The following WWC2 variants were observed in gnomAD, a reference collection of about 807,000 sequenced individuals.
The protein encoded by WWC2 is WW and C2 domain containing 2, also known as protein WWC2.
A neutral mutation model predicts 138.5 loss-of-function variants in WWC2; 101 were observed. The ratio of observed to expected loss-of-function variants is 0.73; its 90% CI spans 0.62 to 0.86. WWC2 has a LOEUF of 0.86. WWC2 is among the 40% of genes least tolerant of loss of function. The probability of loss-of-function intolerance (pLI) is 0.00; values close to 1 mark genes in which losing one functional copy is unlikely to be tolerated. For missense variants in WWC2, 1,420 were observed against 1,419.4 expected, an observed-to-expected ratio of 1.00 and a Z score of -0.01; for synonymous variants, 558 against 538.4, an observed-to-expected ratio of 1.04 and a Z score of -0.50.
At chr4:183,314,413 A>G (rs893844637) in intron 22 of WWC2, among the ~76,000 whole-genome samples, 2 of 152,248 alleles carry the variant, frequency 1.3e-5, no homozygotes, top group African/African-American at 2.4e-5. Flanking sequence ...GAAGCATATT[A>G]TATCACCAGG....
intron 21 of WWC2, among the ~76,000 whole-genome samples, chr4:183,302,714 A>C (rs1049365291): frequency 5.3e-5 from 8 of 152,150 alleles, no homozygotes; most frequent in Non-Finnish European, 1.0e-4. Flanking sequence ...AAGCCAACTC[A>C]CATATTTGTA....
intron 1 of WWC2, among the ~76,000 whole-genome samples, chr4:183,114,764 C>G (rs1352743623): frequency 2.0e-5 from 3 of 151,442 alleles, no homozygotes; most frequent in African/African-American, 4.9e-5. Flanking sequence ...GTTTGGTGTA[C>G]AAATTATTTC....
intron 1 of WWC2, among the ~76,000 whole-genome samples, chr4:183,181,694 G>C (rs762825542): frequency 6.6e-6 from 1 of 152,162 alleles, no homozygotes; most frequent in Non-Finnish European, 1.5e-5. Context: ...TAGGCAGTTA[G>C]TAATTAAGTT....
At chr4:183,114,921 A>G (rs973168303) in intron 1 of WWC2, among the ~76,000 whole-genome samples, 2 of 152,136 alleles carry the variant, frequency 1.3e-5, no homozygotes, top group Non-Finnish European at 1.5e-5. Context: ...TCCCGGGTTC[A>G]AGCGATTGTC....
At chr4:183,117,213 T>C (rs569161429) in intron 1 of WWC2, among the ~76,000 whole-genome samples, 46 of 149,068 alleles carry the variant, frequency 3.1e-4, no homozygotes, top group Admixed American at 2.7e-3. Context: ...CACATTCTTC[T>C]TCTTTTTTTT....
At chr4:183,314,200 A>G (rs185407257) in intron 22 of WWC2, among the ~76,000 whole-genome samples, 34 of 152,238 alleles carry the variant, frequency 2.2e-4, no homozygotes, top group Admixed American at 1.9e-3. Context: ...CTTTTCTGCT[A>G]AAGAATCACA....
chr4:183,128,427 A>G (rs1172512171), intron 1 of WWC2, among the ~76,000 whole-genome samples: 1 of 152,014 alleles, frequency 6.6e-6, no homozygotes, highest in African/African-American at 2.4e-5. Flanking sequence ...GGTGGGGAGG[A>G]TTGCTTGAGC....
rs150514988 is a variant in WWC2 at position 183,178,912 on chromosome 4, G to GTATCTAAC, written c.132-14685_132-14678dup. 5.4e-3 allele frequency among the ~76,000 whole-genome samples: 826 copies of GTATCTAAC among 152,286 alleles called. 6 individuals are homozygous for GTATCTAAC. Among genetic ancestry groups the GTATCTAAC allele is most frequent in the African/African-American group, 0.019 (796 of 41,550 alleles). On this transcript the variant is annotated intron_variant, in intron 1 of 22. Coordinates refer to ENST00000403733, the MANE Select transcript of WWC2 (RefSeq NM_024949.6). The stretch of plus-strand genomic sequence containing the variant: ...CTGTGTCTGAGTAAAATACTTGTCA[G>GTATCTAAC]TATCTAACTTAGGGCTCATTCAAGG...
intron 21 of WWC2, among the ~76,000 whole-genome samples, chr4:183,295,025 T>G (rs1738589707): frequency 6.6e-6 from 1 of 152,188 alleles, no homozygotes; most frequent in African/African-American, 2.4e-5. Context: ...ACATGTTCAT[T>G]TTAATGATTT....
intron 1 of WWC2, among the ~76,000 whole-genome samples, chr4:183,114,194 C>T (rs1732340222): frequency 6.6e-6 from 1 of 152,116 alleles, no homozygotes; most frequent in South Asian, 2.1e-4. Context: ...CCCCGCCATC[C>T]TCTCTCTTGT....
In WWC2 at chr4:183,213,511, T is replaced by G. The variant is rs990820108; in HGVS notation, c.522+4486T>G. Among the ~76,000 whole-genome samples, 36 of 152,336 alleles carry G rather than the reference T, an allele frequency of 2.4e-4. 1 individual carries two copies. The highest frequency in any genetic ancestry group is 2.3e-3 in the South Asian group (11 of 4,824). ...GTTTTGTTGCAACAATATTAGCAGG[T>G]GTACCTCAGTTGTTTTACTGAATTA... is the stretch of plus-strand genomic sequence containing the variant. On this transcript the variant is annotated intron_variant, in intron 4 of 22. Transcript: ENST00000403733.
At chr4:183,168,254 CAG>C (rs769833867) in intron 1 of WWC2, among the ~76,000 whole-genome samples, 4 of 146,458 alleles carry the variant, frequency 2.7e-5, no homozygotes, top group Non-Finnish European at 4.5e-5. Context: ...TTTTGGGTAA[CAG>C]GGATTTAAAA....
At chr4:183,159,845 A>G (rs1383161811) in intron 1 of WWC2, among the ~76,000 whole-genome samples, 1 of 151,490 alleles carries the variant, frequency 6.6e-6, no homozygotes, top group East Asian at 1.9e-4. Context: ...GAATTTGTCC[A>G]TATTTGATCA....
chr4:183,266,879 A>G (rs1230235204), intron 14 of WWC2, among the ~76,000 whole-genome samples: 1 of 152,218 alleles, frequency 6.6e-6, no homozygotes, highest in African/African-American at 2.4e-5. Context: ...AATAGAATAA[A>G]TTAAAGAGTT....
At position 183,182,866 on chromosome 4, in the gene WWC2, T is replaced by A. The variant is rs1485873865; in HGVS notation, c.132-10733T>A. Among the ~76,000 whole-genome samples the A allele has an allele frequency of 4.6e-5, 7 of 152,360 alleles. No individual in the cohort carries two copies. In the East Asian group the frequency reaches 1.3e-3, roughly 29 times the overall value. On this transcript the variant is annotated intron_variant, in intron 1 of 22. Coordinates refer to ENST00000403733, the MANE Select transcript of WWC2 (RefSeq NM_024949.6). The stretch of plus-strand genomic sequence containing the variant: ...GAATAAATGCATATACTATTACTTC[T>A]GTATAAATAGAAAATTTTTGAAAGA...
intron 4 of WWC2, among the ~76,000 whole-genome samples, chr4:183,211,246 A>G (rs1263593602): frequency 2.6e-5 from 4 of 152,206 alleles, no homozygotes; most frequent in Admixed American, 2.6e-4. Flanking sequence ...TAGGAGGCCA[A>G]GGTGGGAGGA....
intron 1 of WWC2, among the ~76,000 whole-genome samples, chr4:183,183,200 G>C (rs1033594563): frequency 3.3e-5 from 5 of 152,104 alleles, no homozygotes; most frequent in Admixed American, 2.0e-4. Context: ...TTTAAGTTCT[G>C]GGGTACGTGT....
At chr4:183,153,571 A>G (rs1412443541) in intron 1 of WWC2, among the ~76,000 whole-genome samples, 2 of 152,096 alleles carry the variant, frequency 1.3e-5, no homozygotes, top group South Asian at 4.1e-4. Flanking sequence ...AAATATTCAT[A>G]CGATACTAAT....
chr4:183,209,111 A>G (rs997397105), intron 4 of WWC2, 86 bp downstream of exon 4: 1 of 927,650 alleles, frequency 1.1e-6, no homozygotes, highest in African/African-American at 1.7e-5. Flanking sequence ...ATCAGTTCTC[A>G]TCTCCATTTG....
Sources: gnomAD v4.1 joint callset for allele counts (sites outside exome capture counted in the v4.1 genomes callset) on GRCh38, gnomAD v4.1.1 for gene constraint, MANE v1.5 for transcripts, NCBI Gene and HGNC (gene_info 2026-07-23, HGNC 2026-07-21) for gene names.